SPATS2: variants seen among roughly 807,000 people sequenced by gnomAD.
SPATS2 encodes spermatogenesis associated serine rich 2, also known as spermatogenesis-associated serine-rich protein 2.
A neutral mutation model predicts 63.7 loss-of-function variants in SPATS2; 38 were observed. The observed-to-expected ratio is 0.60, with a 90% CI of 0.46 to 0.78. SPATS2 has a LOEUF of 0.78. Ranked by LOEUF, SPATS2 falls within the 30% of genes least tolerant of loss-of-function variation. The pLI is 0.00. For missense variants in SPATS2, 588 were observed against 666.2 expected (o/e 0.88, Z 1.29); for synonymous variants, 207 against 232.9 (o/e 0.89, Z 1.01).
At chr12:49,446,426 A>G (rs949530125) in intron 2 of SPATS2, among the ~76,000 whole-genome samples, 7 of 152,182 alleles carry the variant, frequency 4.6e-5, no homozygotes, top group Non-Finnish European at 8.8e-5. Context: ...TCCTTTCAGG[A>G]AGCTCTAGTG....
intron 2 of SPATS2, among the ~76,000 whole-genome samples, chr12:49,431,017 T>C (rs961140607): frequency 2.0e-5 from 3 of 152,112 alleles, no homozygotes; most frequent in Non-Finnish European, 4.4e-5. Flanking sequence ...GCGCTATTAA[T>C]TTTTTTGAAC....
rs562768410 is a variant in SPATS2 at position 49,464,819 on chromosome 12, G to T, written c.25+3782G>T. Reference sequence around the variant, plus strand: ...AGCCTGGGTGACAGAGCGGGACCATGTCTCTTAAAAAAACAGAAACAAAAC... The same window carrying T: ...AGCCTGGGTGACAGAGCGGGACCATTTCTCTTAAAAAAACAGAAACAAAAC... On this transcript the variant is annotated intron_variant, in intron 3 of 13. Coordinates refer to ENST00000552918, the MANE Select transcript of SPATS2 (RefSeq NM_023071.4). Among the ~76,000 whole-genome samples the T allele has an allele frequency of 4.7e-4, 72 of 152,042 alleles. No homozygotes were observed. The South Asian group carries it at 0.012, about 26-fold the overall frequency.
chr12:49,475,036 C>A (rs1414201889), intron 3 of SPATS2, among the ~76,000 whole-genome samples: 2 of 152,130 alleles, frequency 1.3e-5, no homozygotes, highest in African/African-American at 4.8e-5. Context: ...GACCTGCACC[C>A]ATGATTCAGT....
In SPATS2 at chr12:49,460,914, TC is replaced by T. The variant is rs1236551893; in HGVS notation, c.-97del. On this transcript the variant is annotated 5_prime_UTR_variant, in exon 3 of 14. An upstream open reading frame in the 5' UTR gains an earlier in-frame stop. Transcript: ENST00000552918. ...TATTTTTTGCTTCCAACTGCACACT[TC>T]CGTTGCCCACTTTTAAATCAGAGAT... 12 of 1,421,792 alleles carry T rather than the reference TC, an allele frequency of 8.4e-6. No individual in the cohort carries two copies. The highest frequency in any genetic ancestry group is 2.4e-5 in the East Asian group (1 of 42,080). 88.1% of individuals were successfully genotyped at this position (1,421,792 alleles called of 1,614,324 possible).
chr12:49,478,254 C>T (rs1185794168), intron 3 of SPATS2, among the ~76,000 whole-genome samples: 1 of 152,172 alleles, frequency 6.6e-6, no homozygotes, highest in Non-Finnish European at 1.5e-5. Flanking sequence ...GCTGGGATTA[C>T]AGGTGTGAGC....
rs771214061 is a variant in SPATS2 at position 49,496,818 on chromosome 12, C to T, written c.527-15C>T. On this transcript the variant is annotated splice_polypyrimidine_tract_variant and intron_variant, in intron 7 of 13. Transcript: ENST00000552918. ...CTAAATTGTGCTCTAAAGTACAGTC[C>T]TCTTTCTTGGACAGGATCCATGCTG... 6.2e-7 allele frequency: 1 copy of T among 1,613,048 alleles called. No individual in the cohort carries two copies. The highest frequency in any genetic ancestry group is 1.1e-5 in the South Asian group (1 of 90,866).
rs1943928430 is a variant in SPATS2 at position 49,367,836 on chromosome 12, AGTGTGGGGGGGACTCTGGCGTGAGCGT to A, written c.-307+258_-307+284del. Among the ~76,000 whole-genome samples, 4 of 127,984 alleles carry A rather than the reference AGTGTGGGGGGGACTCTGGCGTGAGCGT, an allele frequency of 3.1e-5. 1 individual carries two copies. The South Asian group carries it at 1.0e-3, about 32-fold the overall frequency. 84.0% of individuals were successfully genotyped at this position (127,984 alleles called of 152,430 possible). A position where few individuals can be genotyped will look rare whatever the true frequency, so the allele number is the denominator to read the frequency against. ...GACGGATAGGCCGGGGAAACAATGG[AGTGTGGGGGGGACTCTGGCGTGAGCGT>A]GTGTGGGGTATTGGATTTTAAGAAA... On this transcript the variant is annotated intron_variant, in intron 1 of 13. Coordinates refer to ENST00000552918, the MANE Select transcript of SPATS2 (RefSeq NM_023071.4).
intron 2 of SPATS2, among the ~76,000 whole-genome samples, chr12:49,379,521 A>G (rs1399854529): frequency 7.2e-6 from 1 of 138,376 alleles, no homozygotes; most frequent in Admixed American, 7.2e-5. Flanking sequence ...ACTGCACTCC[A>G]GCATGGGTGA....
chr12:49,498,488 A>G (rs1158370895), intron 8 of SPATS2, among the ~76,000 whole-genome samples: 1 of 152,156 alleles, frequency 6.6e-6, no homozygotes, highest in Non-Finnish European at 1.5e-5. Flanking sequence ...TGTAATGTCC[A>G]CATGGTGAAT....
chr12:49,460,154 A>T (rs972862557), intron 2 of SPATS2, among the ~76,000 whole-genome samples: 13 of 151,628 alleles, frequency 8.6e-5, no homozygotes, highest in Non-Finnish European at 1.5e-4. Context: ...AGAGGAAGAG[A>T]ATAGACCCTT....
intron 9 of SPATS2, among the ~76,000 whole-genome samples, chr12:49,514,146 C>G (rs1371468438): frequency 7.3e-6 from 1 of 137,342 alleles, no homozygotes; most frequent in Non-Finnish European, 1.5e-5. Context: ...GACAGCGAGA[C>G]TCCGTCTCAA....
intron 2 of SPATS2, among the ~76,000 whole-genome samples, chr12:49,459,286 G>A (rs569862374): frequency 2.6e-5 from 4 of 152,156 alleles, no homozygotes; most frequent in Middle Eastern, 3.4e-3. Flanking sequence ...TGACTGTCCC[G>A]GTGTGCCTGC....
intron 2 of SPATS2, among the ~76,000 whole-genome samples, chr12:49,376,936 T>G (rs1944116996): frequency 6.6e-6 from 1 of 152,124 alleles, no homozygotes; most frequent in Non-Finnish European, 1.5e-5. Flanking sequence ...CAGTTTGGTC[T>G]TGAACTCCTG....
chr12:49,436,183 C>T (rs1385315821), intron 2 of SPATS2, among the ~76,000 whole-genome samples: 5 of 151,812 alleles, frequency 3.3e-5, no homozygotes, highest in South Asian at 2.1e-4. Flanking sequence ...GGGTGGTGGC[C>T]GGGCAGAGGG....
intron 3 of SPATS2, among the ~76,000 whole-genome samples, chr12:49,468,292 T>C (rs1186225265): frequency 6.6e-6 from 1 of 151,704 alleles, no homozygotes; most frequent in Non-Finnish European, 1.5e-5. Context: ...CCTGAGTAGC[T>C]GGGATTACAG....
At chr12:49,441,294 T>G (rs969201960) in intron 2 of SPATS2, among the ~76,000 whole-genome samples, 3 of 152,198 alleles carry the variant, frequency 2.0e-5, no homozygotes, top group Non-Finnish European at 2.9e-5. Flanking sequence ...TTTTTAAATC[T>G]GCTATTTATC....
intron 3 of SPATS2, among the ~76,000 whole-genome samples, chr12:49,471,084 C>G (rs1366853111): frequency 6.6e-6 from 1 of 152,196 alleles, no homozygotes; most frequent in Non-Finnish European, 1.5e-5. Context: ...TAGGAAATCT[C>G]TTTACTGCTC....
At chr12:49,382,951 C>T (rs1191273334) in intron 2 of SPATS2, among the ~76,000 whole-genome samples, 1 of 150,652 alleles carries the variant, frequency 6.6e-6, no homozygotes, top group African/African-American at 2.4e-5. Context: ...GTTATCCACC[C>T]ACCTTGGCCT....
rs534232475 is a variant in SPATS2 at position 49,483,026 on chromosome 12, C to T, written c.26-1564C>T. Reference sequence around the variant, plus strand: ...CTGCTCTTGAACTTCTGGGCTCAAGCGATCCACCTGCCTTGGCCTCCCAAA... The same window carrying T: ...CTGCTCTTGAACTTCTGGGCTCAAGTGATCCACCTGCCTTGGCCTCCCAAA... On this transcript the variant is annotated intron_variant, in intron 3 of 13. Coordinates refer to ENST00000552918, the MANE Select transcript of SPATS2 (RefSeq NM_023071.4). Among the ~76,000 whole-genome samples, 15 of 150,350 alleles carry T rather than the reference C, an allele frequency of 1.0e-4. No individual in the cohort carries two copies. In the South Asian group the frequency reaches 3.2e-3, roughly 32 times the overall value.
Sources: allele counts gnomAD v4.1 joint callset (sites outside exome capture counted in the v4.1 genomes callset), GRCh38; gene constraint gnomAD v4.1.1; transcripts MANE v1.5; gene names NCBI Gene and HGNC (gene_info 2026-07-23, HGNC 2026-07-21).